Variants in ZNF510 observed in about 807,000 individuals in gnomAD.
The protein encoded by ZNF510 is zinc finger protein 510.
In ZNF510, 15 loss-of-function variants were observed where a neutral mutation model predicts 18.1. That is an observed-to-expected ratio of 0.83 (90% CI 0.55 to 1.28). The LOEUF (loss-of-function observed/expected upper bound fraction) is 1.28, where lower values mean the gene tolerates loss of function less well. Among genes scored for constraint, ZNF510 ranks in the 50% most tolerant of loss-of-function variants. The pLI, the probability that ZNF510 is intolerant of heterozygous loss-of-function variation, is 0.00. For synonymous variants in ZNF510, 261 were observed against 266.4 expected (o/e 0.98, Z 0.20); for missense variants, 724 against 791.8 (o/e 0.91, Z 1.03).
chr9:96,774,627 C>G (rs73554366), intron 3 of ZNF510, among the ~76,000 whole-genome samples, 161 bp downstream of exon 3: 4,487 of 152,278 alleles, frequency 0.029, 241 homozygotes, highest in African/African-American at 0.1. Context: ...TAACATCAGG[C>G]GACCTCCATC....
In ZNF510 at chr9:96,760,127, G is replaced by C; in HGVS notation, c.703C>G (p.Leu235Val). 6.2e-7 allele frequency: 1 copy of C among 1,609,500 alleles called. No homozygotes were observed. The highest frequency in any genetic ancestry group is 8.5e-7 in the Non-Finnish European group (1 of 1,178,782). ...TTGGGAAGATTTTCATTATAATTGA[G>C]AGCTTTCATGTTTTTATTATGTTCA... is the stretch of plus-strand genomic sequence containing the variant. The part of the protein sequence containing the change: ...FYEHNKNMKA[L>V]NYNENLPKHP... The change falls in exon 6 of 6, where the codon CTC (leucine) becomes GTC (valine). Residue 235 changes from leucine to valine, a missense_variant. Physicochemically the swap from Leu to Val is conservative, Grantham distance 32. Transcript: ENST00000223428.
rs780130836 is a variant in ZNF510, at chr9:96,759,805, C to T, written c.1025G>A (p.Gly342Glu). ...GIKHYELNPS[G>E]NNFNRKAHLT... is the part of the protein sequence containing the mutation. ...GTGTGCCTTTCTGTTGAAATTATTT[C>T]CACTTGGATTTAATTCATAATGTTT... The change falls in exon 6 of 6, where the codon GGA becomes GAA. Residue 342 changes from glycine (G) to glutamate (E), a missense_variant. Gly to Glu is a moderately conservative substitution (Grantham distance 98). Coordinates refer to ENST00000223428, the MANE Select transcript of ZNF510 (RefSeq NM_014930.3). The T allele has an allele frequency of 3.7e-6, 6 of 1,613,810 alleles. No homozygotes were observed. The highest frequency in any genetic ancestry group is 5.1e-6 in the Non-Finnish European group (6 of 1,179,942).
chr9:96,759,237 G>A lies in ZNF510; in HGVS notation c.1593C>T (p.Leu531=), dbSNP rs1466166115. 6.2e-6 allele frequency: 10 copies of A among 1,613,818 alleles called. No homozygotes were observed. The change falls in exon 6 of 6, where the codon CTC becomes CTT. Residue 531 remains leucine, a synonymous_variant. Transcript: ENST00000223428. ...CGKTFGQKSN[L]RIHQRTHTGE... is the part of the protein sequence containing the mutation. ...CAGTGTGAGTTCTCTGATGTATTCT[G>A]AGGTTTGACTTCTGGCCAAATGTTT...
chr9:96,777,118 T>A (rs60386249), intron 1 of ZNF510, among the ~76,000 whole-genome samples: 15,911 of 152,172 alleles, frequency 0.1, 1,924 homozygotes, highest in African/African-American at 0.29. Context: ...CAGACTGACT[T>A]CTAAAGACAG....
In ZNF510 at chr9:96,756,916, T is replaced by C. The variant is rs28365768; in HGVS notation, c.*1862A>G. 5 of 152,368 alleles carry C rather than the reference T, an allele frequency of 3.3e-5. No individual in the cohort carries two copies. The highest frequency in any genetic ancestry group is 3.9e-4 in the East Asian group (2 of 5,194). The allele number at this position is 152,368 out of a possible 1,614,324, so 9.4% of individuals were successfully genotyped here. The stretch of plus-strand genomic sequence containing the variant: ...TTCCTGATTAGAATTCTATGACTTA[T>C]GCGAATTACAGGGAATTAGAATTCT... On this transcript the variant is annotated 3_prime_UTR_variant, in exon 6 of 6. Coordinates refer to ENST00000223428, the MANE Select transcript of ZNF510 (RefSeq NM_014930.3).
intron 3 of ZNF510, among the ~76,000 whole-genome samples, chr9:96,773,923 T>C (rs1849635838): frequency 6.6e-6 from 1 of 152,212 alleles, no homozygotes; most frequent in Non-Finnish European, 1.5e-5. Context: ...CGATGACATC[T>C]TGATCTCAGA....
intron 3 of ZNF510, among the ~76,000 whole-genome samples, chr9:96,770,945 G>A (rs758198895): frequency 3.9e-5 from 6 of 152,144 alleles, no homozygotes; most frequent in African/African-American, 1.2e-4. Context: ...ACTAGAATAA[G>A]TAGCACGATT....
chr9:96,774,729 TG>T (rs750015120), intron 3 of ZNF510, 58 bp downstream of exon 3: 31 of 1,402,914 alleles, frequency 2.2e-5, no homozygotes, highest in Non-Finnish European at 3.0e-5. Context: ...CATATTAATA[TG>T]TGGACCCTTA....
chr9:96,763,749 A>C, intron 3 of ZNF510, 117 bp from the exon 4 acceptor site: 2 of 1,025,370 alleles, frequency 2.0e-6, no homozygotes, highest in Admixed American at 5.6e-5. Flanking sequence ...AATGTAAAGG[A>C]TGCCTATTTT....
intron 3 of ZNF510, among the ~76,000 whole-genome samples, chr9:96,770,757 A>G (rs1409858394): frequency 6.7e-6 from 1 of 149,866 alleles, no homozygotes; most frequent in African/African-American, 2.5e-5. Flanking sequence ...AGGATGGGGG[A>G]TGATAGCTAA....
At chr9:96,773,781 G>A (rs1202386155) in intron 3 of ZNF510, among the ~76,000 whole-genome samples, 1 of 152,094 alleles carries the variant, frequency 6.6e-6, no homozygotes, top group Non-Finnish European at 1.5e-5. Flanking sequence ...TCACCACGTT[G>A]GCCAGGCTGG....
At chr9:96,775,529 T>A (rs1458215375) in intron 2 of ZNF510, among the ~76,000 whole-genome samples, 1 of 152,216 alleles carries the variant, frequency 6.6e-6, no homozygotes, top group Non-Finnish European at 1.5e-5. Context: ...GAAAGACTAT[T>A]TTAAAATATT....
At chr9:96,774,362 G>A (rs1053557960) in intron 3 of ZNF510, among the ~76,000 whole-genome samples, 1 of 152,176 alleles carries the variant, frequency 6.6e-6, no homozygotes, top group Non-Finnish European at 1.5e-5. Flanking sequence ...GCACTAAGCC[G>A]TCTACTTCCA....
Position 96,762,519 on chromosome 9 carries a change from AAAAAGAAAAG to A in ZNF510, c.352+589_352+598del, listed in dbSNP as rs543821538. Among the ~76,000 whole-genome samples, 61 of 149,494 alleles carry A rather than the reference AAAAAGAAAAG, an allele frequency of 4.1e-4. 2 individuals carry two copies. The highest frequency in any genetic ancestry group is 1.5e-3 in the African/African-American group (60 of 39,024). Reference sequence around the variant, plus strand: ...GGGAGACTCCGTCTCAAAAAAAAAAAAAAAGAAAAGAAAAAGAAAACATCCTCCTGATACC... The same window carrying A: ...GGGAGACTCCGTCTCAAAAAAAAAAAAAAAAGAAAACATCCTCCTGATACC... On this transcript the variant is annotated intron_variant, in intron 5 of 5. Transcript: ENST00000223428.
chr9:96,760,511 C>T (rs748906898), intron 5 of ZNF510, 34 bp from the exon 6 acceptor site: 1 of 1,535,118 alleles, frequency 6.5e-7, no homozygotes, highest in Non-Finnish European at 8.7e-7. Context: ...TCTTATGACT[C>T]TTACATCTTC....
chr9:96,764,179 TTTTA>T (rs1849417563), intron 3 of ZNF510, among the ~76,000 whole-genome samples: 1 of 152,272 alleles, frequency 6.6e-6, no homozygotes, highest in Non-Finnish European at 1.5e-5. Context: ...AAAACTTTTT[TTTTA>T]TTCTTATTTT....
intron 5 of ZNF510, among the ~76,000 whole-genome samples, chr9:96,762,567 C>A (rs62558806): frequency 6.6e-6 from 1 of 151,556 alleles, no homozygotes; most frequent in Admixed American, 6.6e-5. Flanking sequence ...AGTGGTTTTA[C>A]CAGTTTATAT....
Position 96,776,118 on chromosome 9 carries a change from T to C in ZNF510, c.-49A>G, listed in dbSNP as rs757761667. 4 of 1,563,236 alleles carry C rather than the reference T, an allele frequency of 2.6e-6. No homozygotes were observed. The highest frequency in any genetic ancestry group is 8.7e-7 in the Non-Finnish European group (1 of 1,152,310). On this transcript the variant is annotated 5_prime_UTR_variant, in exon 2 of 6. Transcript: ENST00000223428. ...CAAGGGGATGAAGAAGTGCCGCTGGTTGGGCAAATCAAGACCTGCTCCTTT... is the reference window on the plus strand; with the variant it reads ...CAAGGGGATGAAGAAGTGCCGCTGGCTGGGCAAATCAAGACCTGCTCCTTT...
Position 96,758,784 on chromosome 9 carries a change from G to T in ZNF510, c.2046C>A (p.Pro682=), listed in dbSNP as rs1849254684. ...GGATTTTCTAGTTATTACATCAATA[G>T]GGATTCCCCTCTCCCTGAATTTTCT... ...LYQKIQGEGN[P]Y The change falls in exon 6 of 6, where the codon CCC becomes CCA. Residue 682 remains proline (P), a synonymous_variant. Coordinates refer to ENST00000223428, the MANE Select transcript of ZNF510 (RefSeq NM_014930.3). 1 of 1,570,454 alleles carries T rather than the reference G, an allele frequency of 6.4e-7. No individual in the cohort carries two copies. The highest frequency in any genetic ancestry group is 1.4e-5 in the African/African-American group (1 of 73,070).
Sources: allele counts gnomAD v4.1 joint callset (sites outside exome capture counted in the v4.1 genomes callset), GRCh38; gene constraint gnomAD v4.1.1; transcripts MANE v1.5; gene names NCBI Gene and HGNC (gene_info 2026-07-23, HGNC 2026-07-21).